SSUH2: variants seen among roughly 807,000 people sequenced by gnomAD.
SSUH2 encodes ssu-2 homolog.
A neutral mutation model predicts 55.3 loss-of-function variants in SSUH2; 47 were observed. The ratio of observed to expected loss-of-function variants is 0.85; its 90% CI spans 0.67 to 1.08. The LOEUF (loss-of-function observed/expected upper bound fraction) is 1.08, where lower values mean the gene tolerates loss of function less well. SSUH2 is among the 50% of genes least tolerant of loss of function. The pLI, the probability that SSUH2 is intolerant of heterozygous loss-of-function variation, is 0.00. For synonymous variants in SSUH2, 212 were observed against 191.5 expected (o/e 1.11, Z -0.89); for missense variants, 535 against 490.7 (o/e 1.09, Z -0.85).
chr3:8,648,034 C>T (rs539455984), upstream of SSUH2, among the ~76,000 whole-genome samples: 3 of 152,178 alleles, frequency 2.0e-5, no homozygotes, highest in Non-Finnish European at 2.9e-5. Context: ...AGGCCCAAGT[C>T]GTGGACCTCT....
At chr3:8,620,650 G>C (rs1034321774) in intron 11 of SSUH2, among the ~76,000 whole-genome samples, 1 of 152,288 alleles carries the variant, frequency 6.6e-6, no homozygotes, top group Non-Finnish European at 1.5e-5. Flanking sequence ...GTGGGCACAG[G>C]CATCCCCAGG....
intron 6 of SSUH2, among the ~76,000 whole-genome samples, chr3:8,630,368 G>A (rs1053531353): frequency 1.3e-5 from 2 of 152,176 alleles, no homozygotes; most frequent in Non-Finnish European, 2.9e-5. Context: ...ACGAATATAT[G>A]TCCATAAAGC....
At position 8,625,578 on chromosome 3, in the gene SSUH2, G is replaced by A. The variant is rs748508332; in HGVS notation, c.837C>T (p.Ala279=). Residue 279 remains alanine, a synonymous_variant, in exon 10 of 12, where the codon GCC becomes GCT. Coordinates refer to ENST00000544814, the MANE Select transcript of SSUH2 (RefSeq NM_001256748.3). ...LNCPRELLAK[A]KGENLFKDEN... Reference sequence around the variant, plus strand: ...CATCCTTAAAGAGGTTTTCTCCTTTGGCTTTAGCAAGGAGCTCCCTGGGGC... The same window carrying A: ...CATCCTTAAAGAGGTTTTCTCCTTTAGCTTTAGCAAGGAGCTCCCTGGGGC... 5.0e-6 allele frequency: 8 copies of A among 1,613,762 alleles called. 1 individual carries two copies. Among genetic ancestry groups the A allele is most frequent in the Middle Eastern group, 3.3e-4 (2 of 6,060 alleles).
intron 2 of SSUH2, 65 bp downstream of exon 2, chr3:8,635,694 A>T: frequency 7.1e-7 from 1 of 1,400,162 alleles, no homozygotes; most frequent in Non-Finnish European, 9.5e-7. Flanking sequence ...TTTTCCCGAG[A>T]CATCCCACCA....
chr3:8,642,625 G>A (rs1200683222), intron 1 of SSUH2, among the ~76,000 whole-genome samples: 5 of 152,222 alleles, frequency 3.3e-5, no homozygotes, highest in Admixed American at 2.0e-4. Context: ...ATCCCAGAAC[G>A]TTCCTATCCA....
At chr3:8,633,642 C>A (rs1165006877) in intron 4 of SSUH2, 24 bp downstream of exon 4, 1 of 1,496,692 alleles carries the variant, frequency 6.7e-7, no homozygotes, top group Non-Finnish European at 8.9e-7. Flanking sequence ...CGGCCAAGGC[C>A]CCCCACCGGC....
chr3:8,633,432 T>C (rs964838981), intron 4 of SSUH2, among the ~76,000 whole-genome samples: 7 of 152,170 alleles, frequency 4.6e-5, no homozygotes, highest in African/African-American at 1.7e-4. Flanking sequence ...AGTGCTGGGA[T>C]TACAGGCATG....
chr3:8,630,507 G>A (rs1389438171), intron 6 of SSUH2, among the ~76,000 whole-genome samples: 1 of 152,178 alleles, frequency 6.6e-6, no homozygotes, highest in Non-Finnish European at 1.5e-5. Context: ...TTTTAAAAAA[G>A]ATGAAAACTA....
intron 3 of SSUH2, 39 bp downstream of exon 3, chr3:8,635,261 G>T: frequency 6.7e-7 from 1 of 1,491,346 alleles, no homozygotes; most frequent in Non-Finnish European, 9.0e-7. Context: ...TAGTGACATA[G>T]GAAATGCACA....
chr3:8,637,726 A>G (rs932433382), intron 1 of SSUH2, among the ~76,000 whole-genome samples: 2 of 152,162 alleles, frequency 1.3e-5, no homozygotes, highest in Non-Finnish European at 2.9e-5. Flanking sequence ...ACAGGAGTTG[A>G]CTTCAAATAG....
In SSUH2 at chr3:8,630,883, C is replaced by A; in HGVS notation, c.447G>T (p.Trp149Cys). Residue 149 changes from tryptophan (W) to cysteine (C), a missense_variant, in exon 6 of 12, where the codon TGG becomes TGT. Trp to Cys is a radical substitution (Grantham distance 215, BLOSUM62 -2). Coordinates refer to ENST00000544814, the MANE Select transcript of SSUH2 (RefSeq NM_001256748.3). ...GPQRGASPRL[W>C]DIKVQGPPMF... is the part of the protein sequence containing the mutation. ...TCGGAGGACCTTGAACCTTGATGTC[C>A]CAGAGCCTGGGGGAGGCGCCTCTTT... is the stretch of plus-strand genomic sequence containing the variant. 3 of 1,484,934 alleles carry A rather than the reference C, an allele frequency of 2.0e-6. No individual in the cohort carries two copies. The highest frequency in any genetic ancestry group is 1.4e-5 in the African/African-American group (1 of 69,158). 92.0% of individuals were successfully genotyped at this position (1,484,934 alleles called of 1,614,324 possible). A position where few individuals can be genotyped will look rare whatever the true frequency, so the allele number is the denominator to read the frequency against.
At chr3:8,666,710 G>T (rs924447717) in intron 5 of SSUH2, among the ~76,000 whole-genome samples, 1 of 152,098 alleles carries the variant, frequency 6.6e-6, no homozygotes, top group Non-Finnish European at 1.5e-5. Context: ...ATTCCAACAC[G>T]ATTTACCCGG....
rs547156434 is a variant in SSUH2, at chr3:8,671,387, C to A, written c.-610-234G>T. ...CACAGAGTGTACACCCTCTGTGATA[C>A]GAGGAGTCACATCTTACAAGGATCA... On this transcript the variant is annotated intron_variant, in intron 4 of 18. Coordinates refer to the SSUH2 transcript ENST00000317371. Among the ~76,000 whole-genome samples the A allele has an allele frequency of 1.2e-4, 18 of 152,094 alleles. 1 individual carries two copies. Among genetic ancestry groups the A allele is most frequent in the Middle Eastern group, 3.4e-3 (1 of 294 alleles).
intron 11 of SSUH2, among the ~76,000 whole-genome samples, chr3:8,620,960 A>G (rs1231103232): frequency 6.6e-6 from 1 of 151,830 alleles, no homozygotes; most frequent in African/African-American, 2.4e-5. Context: ...CCCTTCTCTG[A>G]GCAGTTACTC....
rs1300976672 is a variant in SSUH2 at position 8,678,910 on chromosome 3, C to T, written c.-901+795G>A. Among the ~76,000 whole-genome samples, 248 of 109,748 alleles carry T rather than the reference C, an allele frequency of 2.3e-3. 31 individuals are homozygous for T. Among genetic ancestry groups the T allele is most frequent in the Middle Eastern group, 7.4e-3 (1 of 136 alleles). 72.0% of individuals were successfully genotyped at this position (109,748 alleles called of 152,430 possible). A position where few individuals can be genotyped will look rare whatever the true frequency, so the allele number is the denominator to read the frequency against. Reference sequence around the variant, plus strand: ...TTGCAAGGGAGGGAGGCACCCCCCGCCAGGCGGGGACTGAGAGCCAGCCAC... The same window carrying T: ...TTGCAAGGGAGGGAGGCACCCCCCGTCAGGCGGGGACTGAGAGCCAGCCAC... On this transcript the variant is annotated intron_variant, in intron 2 of 18. Transcript: ENST00000317371.
At chr3:8,649,415 C>T (rs907061311), upstream of SSUH2, among the ~76,000 whole-genome samples, 8 of 152,212 alleles carry the variant, frequency 5.3e-5, no homozygotes, top group South Asian at 2.1e-4. Flanking sequence ...CCCGTCCATC[C>T]GTGCTCACTC....
chr3:8,678,976 A>C (rs1440396801), intron 2 of SSUH2, among the ~76,000 whole-genome samples: 1 of 71,214 alleles, frequency 1.4e-5, no homozygotes, highest in South Asian at 6.2e-4. Flanking sequence ...CGCAGGGCGG[A>C]GAGTCACCCC....
chr3:8,652,068 C>T (rs1440488021), intron 7 of SSUH2: 1 of 152,310 alleles, frequency 6.6e-6, no homozygotes, highest in Middle Eastern at 3.1e-3. Flanking sequence ...TACAGCGTGT[C>T]CCGCATGCAC....
chr3:8,680,248 G>T (rs145990346), intron 1 of SSUH2, among the ~76,000 whole-genome samples: 3,042 of 150,374 alleles, frequency 0.02, 60 homozygotes, highest in South Asian at 0.028. Context: ...AAGAAGCAAA[G>T]AAGCTGACTC....
Sources: allele counts gnomAD v4.1 joint callset (sites outside exome capture counted in the v4.1 genomes callset), GRCh38; gene constraint gnomAD v4.1.1; transcripts MANE v1.5; gene names NCBI Gene and HGNC (gene_info 2026-07-23, HGNC 2026-07-21).